The following DMBT1 variants were observed in gnomAD, a reference collection of about 807,000 sequenced individuals.
The protein encoded by DMBT1 is deleted in malignant brain tumors 1, also known as scavenger receptor cysteine-rich domain-containing protein DMBT1.
A neutral mutation model predicts 252.9 loss-of-function variants in DMBT1; 198 were observed. The ratio of observed to expected loss-of-function variants is 0.78; its 90% confidence interval spans 0.70 to 0.88. The LOEUF is 0.88. Among genes scored for constraint, DMBT1 ranks in the 40% least tolerant of loss-of-function variants. The pLI, the probability that DMBT1 is intolerant of heterozygous loss-of-function variation, is 0.00. For synonymous variants in DMBT1, 990 were observed against 942.7 expected, an observed-to-expected ratio of 1.05 and a Z score of -0.92; for missense variants, 2,432 against 2,404.7, an observed-to-expected ratio of 1.01 and a Z score of -0.24.
In DMBT1 at chr10:122,640,350, T is replaced by C. The variant is rs1222333287; in HGVS notation, c.7253T>C (p.Leu2418Pro). 2 of 1,613,942 alleles carry C rather than the reference T, an allele frequency of 1.2e-6. No individual in the cohort carries two copies. The highest frequency in any genetic ancestry group is 1.7e-6 in the Non-Finnish European group (2 of 1,179,916). Reference sequence around the variant, plus strand: ...GACTTGTACGTTCAGGCTGAAATCCTCCATTCTGATGCTGTACTGACCTTG... The same window carrying C: ...GACTTGTACGTTCAGGCTGAAATCCCCCATTCTGATGCTGTACTGACCTTG... ...NQDLYVQAEILHSDAVLTLFV... is the reference protein window; with the variant it reads ...NQDLYVQAEIPHSDAVLTLFV... Residue 2418 changes from leucine to proline, a missense_variant, in exon 55 of 56, where the codon CTC becomes CCC. By Grantham distance (98) the Leu-to-Pro change is moderately conservative. Around this residue, in one of 3 missense-constraint regions of DMBT1, gnomAD observed 1,162 missense variants for 1,169.0 expected, o/e 0.99. Transcript: ENST00000338354.
At position 122,600,251 on chromosome 10, in the gene DMBT1, G is replaced by A. The variant is rs1002533099; in HGVS notation, c.3310+158G>A. 1.4e-4 allele frequency among the ~76,000 whole-genome samples: 21 copies of A among 150,052 alleles called. 1 individual carries two copies. The highest frequency in any genetic ancestry group is 2.1e-4 in the South Asian group (1 of 4,684). On this transcript the variant is annotated intron_variant, in intron 27 of 55. Transcript: ENST00000338354. ...TGTGTAACTGAGACCCCAGCACAGC[G>A]CTTTTTAAACACACACAGGATTGAG...
rs755554307 is a variant in DMBT1, at chr10:122,601,001, A to C, written c.3321A>C (p.Pro1107=). 4.2e-6 allele frequency: 4 copies of C among 956,548 alleles called. No homozygotes were observed. Among genetic ancestry groups the C allele is most frequent in the Non-Finnish European group, 6.6e-6 (4 of 602,874 alleles). 59.3% of individuals were successfully genotyped at this position (956,548 alleles called of 1,614,324 possible). Residue 1107 remains proline, a synonymous_variant, in exon 28 of 56, where the codon CCA becomes CCC. Transcript: ENST00000338354. The part of the protein sequence containing the change: ...SRPTPSPDTW[P]TSHASTAGSE... ...TGTTGCAATTTACAGACACTTGGCC[A>C]ACCTCACATGCATCAACAGCAGGTA...
intron 5 of DMBT1, among the ~76,000 whole-genome samples, chr10:122,573,398 C>A (rs117955648): frequency 3.9e-5 from 6 of 152,166 alleles, no homozygotes; most frequent in Non-Finnish European, 7.3e-5. Context: ...CCATAGAAAC[C>A]GCCAGATGTC....
rs143175745 is a variant in DMBT1, at chr10:122,600,064, C to A, written c.3281C>A (p.Ala1094Asp). The change falls in exon 27 of 56, where the codon GCT (alanine) becomes GAT (aspartate). Residue 1094 changes from alanine to aspartate, a missense_variant and splice_region_variant. Ala to Asp is a moderately radical substitution (Grantham distance 126). Coordinates refer to ENST00000338354, the MANE Select transcript of DMBT1 (RefSeq NM_001377530.1). The stretch of plus-strand genomic sequence containing the variant: ...TGACCTTCTCTTCTCTTTCTCACAG[C>A]TTCCCAGTCCCGGCCAACACCTAGT... ...HSEDAGVICS[A>D]SQSRPTPSPD... 3 of 1,607,818 alleles carry A rather than the reference C, an allele frequency of 1.9e-6. No individual in the cohort carries two copies. The highest frequency in any genetic ancestry group is 1.7e-6 in the Non-Finnish European group (2 of 1,178,374).
At chr10:122,632,584 C>G (rs1032042856) in intron 50 of DMBT1, among the ~76,000 whole-genome samples, 1 of 152,180 alleles carries the variant, frequency 6.6e-6, no homozygotes, top group African/African-American at 2.4e-5. Context: ...CCCCTAATTA[C>G]TGCCCTTTTT....
chr10:122,588,983 G>A lies in DMBT1; in HGVS notation c.1823G>A (p.Gly608Asp), dbSNP rs750855707. Residue 608 changes from glycine to aspartate, a missense_variant, in exon 17 of 56, where the codon GGT becomes GAT. Gly to Asp is a moderately conservative substitution (Grantham distance 94, BLOSUM62 -1). Around this residue, in one of 3 missense-constraint regions of DMBT1, gnomAD observed 1,264 missense variants for 1,082.2 expected, o/e 1.17. Coordinates refer to ENST00000338354, the MANE Select transcript of DMBT1 (RefSeq NM_001377530.1). ...SSLALRLVNG[G>D]DRCQGRVEVL... Reference sequence around the variant, plus strand: ...TTGGCCCTGAGGCTGGTGAATGGAGGTGACAGGTGTCAGGGCCGAGTGGAG... The same window carrying A: ...TTGGCCCTGAGGCTGGTGAATGGAGATGACAGGTGTCAGGGCCGAGTGGAG... 2 of 1,588,516 alleles carry A rather than the reference G, an allele frequency of 1.3e-6. No individual in the cohort carries two copies. Among genetic ancestry groups the A allele is most frequent in the East Asian group, 2.3e-5 (1 of 42,756 alleles).
chr10:122,571,915 T>G (rs2097667364), intron 4 of DMBT1, among the ~76,000 whole-genome samples: 1 of 152,220 alleles, frequency 6.6e-6, no homozygotes. Context: ...GGAAACCATC[T>G]TTCTTGTTGT....
chr10:122,566,131 G>T lies in DMBT1; in HGVS notation c.91+135G>T, dbSNP rs890785891. ...CTTGTCGAATGCAGGAATGCCGGGG[G>T]GACAGGAGACGTGCGTGCCAAGACC... is the stretch of plus-strand genomic sequence containing the variant. On this transcript the variant is annotated intron_variant, in intron 2 of 55. Coordinates refer to ENST00000338354, the MANE Select transcript of DMBT1 (RefSeq NM_001377530.1). The T allele has an allele frequency of 3.3e-6, 3 of 916,578 alleles. No homozygotes were observed. The African/African-American group carries it at 4.9e-5, about 15-fold the overall frequency. The allele number at this position is 916,578 out of a possible 1,614,324, so 56.8% of individuals were successfully genotyped here. A position where few individuals can be genotyped will look rare whatever the true frequency, so the allele number is the denominator to read the frequency against.
At chr10:122,593,755 C>T (rs45489000) in intron 21 of DMBT1, among the ~76,000 whole-genome samples, 157 bp downstream of exon 21, 7,666 of 147,310 alleles carry the variant, frequency 0.052, 452 homozygotes, top group East Asian at 0.16. Flanking sequence ...CCCAGCACAG[C>T]GCTTTTTAAA....
In DMBT1 at chr10:122,592,527, G is replaced by A. The variant is rs747649388; in HGVS notation, c.2432G>A (p.Ser811Asn). 4.4e-6 allele frequency: 7 copies of A among 1,588,092 alleles called. No individual in the cohort carries two copies. The highest frequency in any genetic ancestry group is 1.7e-5 in the Admixed American group (1 of 59,500). ...RCSGHESYLW[S>N]CPHNGWLSHN... Reference sequence around the variant, plus strand: ...TCAGGACACGAGTCCTACCTGTGGAGCTGCCCCCACAATGGCTGGCTCTCC... The same window carrying A: ...TCAGGACACGAGTCCTACCTGTGGAACTGCCCCCACAATGGCTGGCTCTCC... Residue 811 changes from serine (S) to asparagine (N), a missense_variant, in exon 20 of 56, where the codon AGC (serine) becomes AAC (asparagine). Transcript: ENST00000338354.
chr10:122,624,646 C>T (rs953697654), intron 44 of DMBT1, among the ~76,000 whole-genome samples: 12 of 152,142 alleles, frequency 7.9e-5, no homozygotes, highest in South Asian at 2.1e-4. Flanking sequence ...ACACCAATGA[C>T]GCCAATGTGG....
intron 2 of DMBT1, among the ~76,000 whole-genome samples, chr10:122,566,722 ATT>A (rs78946935): frequency 4.7e-5 from 7 of 148,610 alleles, no homozygotes; most frequent in African/African-American, 9.9e-5. Context: ...GAATTGATAT[ATT>A]TTTAAAAAAT....
At chr10:122,620,113 G>C in intron 42 of DMBT1, 140 bp from the exon 43 acceptor site, 1 of 852,336 alleles carries the variant, frequency 1.2e-6, no homozygotes, top group South Asian at 1.4e-5. Context: ...CTGAGCTGAA[G>C]ACTTGGGTAG....
chr10:122,577,961 A>G (rs547699685), intron 8 of DMBT1, 121 bp downstream of exon 8: 1 of 1,071,002 alleles, frequency 9.3e-7, no homozygotes, highest in African/African-American at 1.6e-5. Context: ...TTTCACCCCC[A>G]ACTCTGTAAC....
intron 15 of DMBT1, 44 bp downstream of exon 15, chr10:122,585,353 C>G (rs780191053): frequency 6.4e-7 from 1 of 1,566,358 alleles, no homozygotes; most frequent in Non-Finnish European, 8.7e-7. Flanking sequence ...CTCTCTACCT[C>G]TGGACAAATG....
At chr10:122,637,918 C>T (rs910947683) in intron 54 of DMBT1, among the ~76,000 whole-genome samples, 4 of 152,128 alleles carry the variant, frequency 2.6e-5, no homozygotes, top group Non-Finnish European at 4.4e-5. Flanking sequence ...AAAGTGAAGC[C>T]AATATGGTGT....
intron 44 of DMBT1, among the ~76,000 whole-genome samples, chr10:122,623,132 T>C (rs1219870832): frequency 6.8e-6 from 1 of 147,984 alleles, no homozygotes. Context: ...TTACTAAGAA[T>C]TGTGGTCACT....
At chr10:122,642,425 G>A (rs945000877) in intron 55 of DMBT1, among the ~76,000 whole-genome samples, 1 of 152,152 alleles carries the variant, frequency 6.6e-6, no homozygotes, top group Non-Finnish European at 1.5e-5. Flanking sequence ...TATAATAACT[G>A]GGTTAGTGTG....
chr10:122,617,131 T>C (rs1421464625), intron 39 of DMBT1, 97 bp from the exon 40 acceptor site: 2 of 1,356,824 alleles, frequency 1.5e-6, no homozygotes, highest in East Asian at 2.6e-5. Flanking sequence ...GGAAGTGGAA[T>C]TGTTGCCAGG....
Sources: allele counts gnomAD v4.1 joint callset (sites outside exome capture counted in the v4.1 genomes callset), GRCh38; gene constraint gnomAD v4.1.1; regional missense constraint gnomAD v4.1.1; transcripts MANE v1.5; gene names NCBI Gene and HGNC (gene_info 2026-07-23, HGNC 2026-07-21).